Variants in TSNARE1 observed in about 807,000 individuals in gnomAD.
TSNARE1 encodes t-SNARE domain containing 1.
TSNARE1 carries 49 observed loss-of-function variants against 62.0 expected under a neutral mutation model. The observed-to-expected ratio is 0.79, with a 90% CI of 0.63 to 1.00. The LOEUF is 1.00. Among genes scored for constraint, TSNARE1 ranks in the 50% least tolerant of loss-of-function variants. TSNARE1 has a pLI of 0.00. For synonymous variants in TSNARE1, 328 were observed against 294.4 expected (o/e 1.11, Z -1.17); for missense variants, 755 against 700.1 (o/e 1.08, Z -0.88).
At chr8:142,266,529 A>G (rs1819141000) in intron 12 of TSNARE1, among the ~76,000 whole-genome samples, 1 of 152,218 alleles carries the variant, frequency 6.6e-6, no homozygotes, top group African/African-American at 2.4e-5. Flanking sequence ...CTTTCTCTCA[A>G]TACTTTGTAG....
intron 11 of TSNARE1, chr8:142,278,937 A>C: frequency 3.0e-6 from 1 of 329,694 alleles, no homozygotes; most frequent in Non-Finnish European, 4.3e-6. Flanking sequence ...AACGTGACCA[A>C]TGAATGGACA....
rs1474681094 is a variant in TSNARE1, at chr8:142,300,495, C to G, written c.1281G>C (p.Leu427=). Residue 427 remains leucine (L), a synonymous_variant, in exon 10 of 14, where the codon CTG becomes CTC. Coordinates refer to ENST00000524325, the MANE Select transcript of TSNARE1 (RefSeq NM_145003.5). ...CCCACGCCAGCCTCACCTCCATCTGCAGGATGGCCTCCTCCCGCAGCCGGA... is the reference window on the plus strand; with the variant it reads ...CCCACGCCAGCCTCACCTCCATCTGGAGGATGGCCTCCTCCCGCAGCCGGA... ...EAIRLREEAI[L]QMESNLLDVN... 3.7e-6 allele frequency: 6 copies of G among 1,603,430 alleles called. No individual in the cohort carries two copies. Among genetic ancestry groups the G allele is most frequent in the Non-Finnish European group, 4.2e-6 (5 of 1,178,318 alleles).
At chr8:142,377,600 G>C (rs1489670668) in intron 1 of TSNARE1, among the ~76,000 whole-genome samples, 1 of 152,230 alleles carries the variant, frequency 6.6e-6, no homozygotes, top group East Asian at 1.9e-4. Flanking sequence ...GCTGCTCCCA[G>C]CCAGAGGATG....
At chr8:142,403,540 G>A (rs1381436303), upstream of TSNARE1, 1 of 152,202 alleles carries the variant, frequency 6.6e-6, no homozygotes, top group Non-Finnish European at 1.5e-5. Flanking sequence ...GCTTCTGCGG[G>A]GCTGCGCAGG....
intron 10 of TSNARE1, among the ~76,000 whole-genome samples, chr8:142,285,842 C>T (rs888744272): frequency 3.9e-5 from 6 of 152,178 alleles, no homozygotes; most frequent in Non-Finnish European, 8.8e-5. Flanking sequence ...CTCTGATGAT[C>T]CTAAGAGACG....
At chr8:142,399,922 C>T (rs1270425280) in intron 1 of TSNARE1, among the ~76,000 whole-genome samples, 1 of 152,198 alleles carries the variant, frequency 6.6e-6, no homozygotes, top group Non-Finnish European at 1.5e-5. Flanking sequence ...GAGCCAGACG[C>T]CATGACTCAC....
At chr8:142,381,227 A>T (rs1294149182) in intron 1 of TSNARE1, among the ~76,000 whole-genome samples, 2 of 152,198 alleles carry the variant, frequency 1.3e-5, no homozygotes, top group African/African-American at 4.8e-5. Flanking sequence ...TCTCCACAGC[A>T]TCCACCCAGC....
At position 142,318,674 on chromosome 8, in the gene TSNARE1, G is replaced by A. The variant is rs769224025; in HGVS notation, c.894-40C>T. ...GGAGCCAGGAGCGAAGGCAGGGGAGGAAGGCAGCAGAGAGCAAGGGCCCAG... is the reference window on the plus strand; with the variant it reads ...GGAGCCAGGAGCGAAGGCAGGGGAGAAAGGCAGCAGAGAGCAAGGGCCCAG... On this transcript the variant is annotated intron_variant, in intron 6 of 13. Coordinates refer to ENST00000524325, the MANE Select transcript of TSNARE1 (RefSeq NM_145003.5). 6 of 1,605,800 alleles carry A rather than the reference G, an allele frequency of 3.7e-6. No individual in the cohort carries two copies. In the Admixed American group the frequency reaches 6.7e-5, roughly 18 times the overall value.
chr8:142,226,933 C>T (rs1186397748), intron 13 of TSNARE1, among the ~76,000 whole-genome samples: 1 of 151,704 alleles, frequency 6.6e-6, no homozygotes, highest in African/African-American at 2.4e-5. Context: ...GCACCCACAA[C>T]CCCAGTGACA....
intron 1 of TSNARE1, among the ~76,000 whole-genome samples, chr8:142,374,890 C>T (rs1836209751): frequency 6.6e-6 from 1 of 152,150 alleles, no homozygotes; most frequent in African/African-American, 2.4e-5. Context: ...ACCCCACACA[C>T]ATCCAACTGC....
Position 142,274,816 on chromosome 8 carries a change from C to A in TSNARE1, c.1411G>T (p.Ala471Ser). ...CTGGCTCCAGCCAGGAGCTGGCGGG[C>A]TGCCTCCGCATGCGAGGACGCAGCC... Reference protein sequence around the residue: ...LEAASSHAEAARQLLAGASRH... With the variant: ...LEAASSHAEASRQLLAGASRH... Residue 471 changes from alanine to serine, a missense_variant, in exon 12 of 14, where the codon GCC becomes TCC. By Grantham distance (99) the Ala-to-Ser change is moderately conservative (BLOSUM62 1). Transcript: ENST00000524325. 6.3e-7 allele frequency: 1 copy of A among 1,580,630 alleles called. No homozygotes were observed. Among genetic ancestry groups the A allele is most frequent in the Non-Finnish European group, 8.6e-7 (1 of 1,164,258 alleles).
intron 6 of TSNARE1, among the ~76,000 whole-genome samples, chr8:142,321,857 A>G (rs1021489708): frequency 6.6e-6 from 1 of 152,226 alleles, no homozygotes; most frequent in African/African-American, 2.4e-5. Flanking sequence ...CTTCAATATC[A>G]ATATCATGCA....
chr8:142,278,071 G>C, intron 11 of TSNARE1: 2 of 985,376 alleles, frequency 2.0e-6, no homozygotes, highest in Non-Finnish European at 2.4e-6. Flanking sequence ...GGCCTGAGAG[G>C]ACCCAGATCC....
chr8:142,327,677 C>T (rs578058606), intron 6 of TSNARE1, among the ~76,000 whole-genome samples: 1 of 152,214 alleles, frequency 6.6e-6, no homozygotes, highest in African/African-American at 2.4e-5. Context: ...CATGGTCCTG[C>T]CCTGCTTAAG....
At chr8:142,257,255 G>A (rs1274323262) in intron 12 of TSNARE1, among the ~76,000 whole-genome samples, 1 of 152,194 alleles carries the variant, frequency 6.6e-6, no homozygotes, top group Non-Finnish European at 1.5e-5. Flanking sequence ...GGGGTTCCCA[G>A]GCCCTCCTAG....
intron 9 of TSNARE1, among the ~76,000 whole-genome samples, chr8:142,306,423 G>A (rs1355886287): frequency 2.6e-5 from 4 of 152,228 alleles, no homozygotes; most frequent in African/African-American, 9.6e-5. Context: ...CCTGCCACTG[G>A]GGCCATTGCC....
intron 1 of TSNARE1, among the ~76,000 whole-genome samples, chr8:142,359,617 T>A (rs745770352): frequency 3.2e-4 from 49 of 151,856 alleles, no homozygotes; most frequent in Non-Finnish European, 3.1e-4. Context: ...GCCAGGGAAA[T>A]CTCCAAAAGA....
intron 1 of TSNARE1, among the ~76,000 whole-genome samples, chr8:142,372,330 C>G (rs1203677736): frequency 6.6e-6 from 1 of 152,150 alleles, no homozygotes; most frequent in Non-Finnish European, 1.5e-5. Flanking sequence ...CAACCATTTG[C>G]TGAAAGAATG....
intron 12 of TSNARE1, chr8:142,273,211 A>G (rs762000809): frequency 3.8e-4 from 372 of 984,688 alleles, no homozygotes; most frequent in Non-Finnish European, 4.4e-4. Context: ...CCTCTTCCTC[A>G]CTGTCCCATC....
Sources: allele counts gnomAD v4.1 joint callset (sites outside exome capture counted in the v4.1 genomes callset), GRCh38; gene constraint gnomAD v4.1.1; transcripts MANE v1.5; gene names NCBI Gene and HGNC (gene_info 2026-07-23, HGNC 2026-07-21).